CLEC16A: variants seen among roughly 807,000 people sequenced by gnomAD.
CLEC16A encodes C-type lectin domain containing 16A.
In CLEC16A, 51 loss-of-function variants were observed where a neutral mutation model predicts 109.5. The observed-to-expected ratio is 0.47, with a 90% CI of 0.37 to 0.59. The LOEUF (loss-of-function observed/expected upper bound fraction) is 0.59, where lower values mean the gene tolerates loss of function less well. Ranked by LOEUF, CLEC16A falls within the 20% of genes least tolerant of loss-of-function variation. The probability of loss-of-function intolerance (pLI) is 0.00; values close to 1 mark genes in which losing one functional copy is unlikely to be tolerated. For synonymous variants in CLEC16A, 673 were observed against 564.2 expected (o/e 1.19, Z -2.73); for missense variants, 1,339 against 1,394.0 (o/e 0.96, Z 0.63).
At chr16:11,032,661 C>A (rs997412824) in intron 13 of CLEC16A, among the ~76,000 whole-genome samples, 8 of 152,052 alleles carry the variant, frequency 5.3e-5, no homozygotes, top group African/African-American at 1.9e-4. Flanking sequence ...GGGGAGGGCT[C>A]CTCTGAGGAA....
At chr16:10,972,707 A>G (rs2042852288) in intron 6 of CLEC16A, 148 bp downstream of exon 6, 1 of 852,290 alleles carries the variant, frequency 1.2e-6, no homozygotes, top group African/African-American at 1.7e-5. Flanking sequence ...GTTTAGCCCA[A>G]CTAATTTATT....
At chr16:11,036,544 C>CCTTTTTTTTT (rs2047029877) in intron 13 of CLEC16A, among the ~76,000 whole-genome samples, 1 of 131,902 alleles carries the variant, frequency 7.6e-6, no homozygotes, top group African/African-American at 2.9e-5. Context: ...TCTAATTTTC[C>CCTTTTTTTTT]TTTTTTTTTT....
intron 11 of CLEC16A, among the ~76,000 whole-genome samples, chr16:11,015,696 C>T (rs544204295): frequency 3.9e-4 from 60 of 152,346 alleles, no homozygotes; most frequent in African/African-American, 1.2e-3. Flanking sequence ...TTCTCTGCTC[C>T]GGAATTCTGC....
intron 19 of CLEC16A, among the ~76,000 whole-genome samples, chr16:11,090,456 G>A (rs1567303609): frequency 6.6e-6 from 1 of 152,168 alleles, no homozygotes; most frequent in Non-Finnish European, 1.5e-5. Context: ...GATGTCCTCA[G>A]GCAGCGGAGT....
chr16:11,087,081 G>A (rs1435033599), intron 19 of CLEC16A, among the ~76,000 whole-genome samples: 4 of 152,186 alleles, frequency 2.6e-5, no homozygotes, highest in Non-Finnish European at 4.4e-5. Flanking sequence ...ACCTAAACCC[G>A]TGAAATCAGG....
In CLEC16A at chr16:11,018,748, CAAA is replaced by C. The variant is rs56911220; in HGVS notation, c.1304-1430_1304-1428del. ...TGGGCGACAGAGCGAGACTCCATCT[CAAA>C]AAAAAAAAAAAAAATGGAGACAAGC... On this transcript the variant is annotated intron_variant, in intron 11 of 23. Coordinates refer to ENST00000409790, the MANE Select transcript of CLEC16A (RefSeq NM_015226.3). Among the ~76,000 whole-genome samples, 14 of 96,258 alleles carry C rather than the reference CAAA, an allele frequency of 1.5e-4. 1 individual carries two copies. Among genetic ancestry groups the C allele is most frequent in the Admixed American group, 9.2e-4 (8 of 8,706 alleles). The allele number at this position is 96,258 out of a possible 152,430, so 63.1% of individuals were successfully genotyped here. A position where few individuals can be genotyped will look rare whatever the true frequency, so the allele number is the denominator to read the frequency against.
chr16:11,172,111 CAT>C (rs1219006927), intron 23 of CLEC16A, among the ~76,000 whole-genome samples: 1 of 152,020 alleles, frequency 6.6e-6, no homozygotes, highest in African/African-American at 2.4e-5. Context: ...AATTTGCATG[CAT>C]AGTCACACAC....
At chr16:10,970,496 A>T (rs1458492877) in intron 4 of CLEC16A, among the ~76,000 whole-genome samples, 1 of 152,252 alleles carries the variant, frequency 6.6e-6, no homozygotes, top group Non-Finnish European at 1.5e-5. Context: ...GAAATACTGC[A>T]TTGCACAGGT....
At chr16:11,028,965 T>C (rs1445848590) in intron 13 of CLEC16A, among the ~76,000 whole-genome samples, 6 of 152,368 alleles carry the variant, frequency 3.9e-5, no homozygotes, top group South Asian at 2.1e-4. Context: ...GTTTCTCTTA[T>C]TGATTTTTCT....
At chr16:11,078,760 C>G (rs910520853) in intron 19 of CLEC16A, among the ~76,000 whole-genome samples, 1 of 152,248 alleles carries the variant, frequency 6.6e-6, no homozygotes, top group South Asian at 2.1e-4. Context: ...CTTTGAGGGG[C>G]GCTCAAGGGA....
intron 13 of CLEC16A, among the ~76,000 whole-genome samples, chr16:11,033,634 AC>A (rs1190098436): frequency 6.6e-6 from 1 of 151,924 alleles, no homozygotes; most frequent in African/African-American, 2.4e-5. Flanking sequence ...CCAGATCCTT[AC>A]CCCCCAAATC....
intron 12 of CLEC16A, among the ~76,000 whole-genome samples, chr16:11,020,729 A>T (rs181218360): frequency 1.3e-5 from 2 of 152,220 alleles, no homozygotes. Context: ...ACACAAACAC[A>T]TACCCCATCT....
At chr16:11,150,220 A>G (rs1327101951) in intron 22 of CLEC16A, 2 of 152,226 alleles carry the variant, frequency 1.3e-5, no homozygotes, top group Admixed American at 6.5e-5. Flanking sequence ...ATTCCAAGAC[A>G]TATCTGGCCA....
chr16:10,964,704 C>G (rs1489121325), intron 3 of CLEC16A, among the ~76,000 whole-genome samples: 1 of 152,114 alleles, frequency 6.6e-6, no homozygotes, highest in Non-Finnish European at 1.5e-5. Context: ...TCAAAACTTA[C>G]GGCTTTTAGA....
At chr16:11,155,631 A>G (rs114584033) in intron 22 of CLEC16A, among the ~76,000 whole-genome samples, 2,325 of 152,334 alleles carry the variant, frequency 0.015, 58 homozygotes, top group African/African-American at 0.053. Flanking sequence ...CCCTGATTCT[A>G]TCTGACTCAC....
chr16:11,048,480 A>T (rs939434330), intron 17 of CLEC16A: 4 of 152,228 alleles, frequency 2.6e-5, no homozygotes, highest in African/African-American at 9.6e-5. Context: ...GTGATTTGGG[A>T]AGTTTATAAT....
chr16:11,088,952 G>C (rs949223563), intron 19 of CLEC16A, among the ~76,000 whole-genome samples: 1 of 152,194 alleles, frequency 6.6e-6, no homozygotes, highest in African/African-American at 2.4e-5. Flanking sequence ...AGTAAAAAGT[G>C]AAAGTGCCCT....
At chr16:11,047,209 C>T (rs781189288) in intron 16 of CLEC16A, 83 bp from the exon 17 acceptor site, 20 of 1,174,856 alleles carry the variant, frequency 1.7e-5, no homozygotes, top group Non-Finnish European at 2.3e-5. Flanking sequence ...CCTCTAAAGC[C>T]ACAAACTAGA....
chr16:11,139,790 C>G (rs991267504), intron 22 of CLEC16A, among the ~76,000 whole-genome samples: 1 of 152,196 alleles, frequency 6.6e-6, no homozygotes, highest in African/African-American at 2.4e-5. Context: ...AAAATATTTG[C>G]TAGCTGGTAA....
Sources: allele counts gnomAD v4.1 joint callset (sites outside exome capture counted in the v4.1 genomes callset), GRCh38; gene constraint gnomAD v4.1.1; transcripts MANE v1.5; gene names NCBI Gene and HGNC (gene_info 2026-07-23, HGNC 2026-07-21).